Variants in SLC38A8 observed in about 807,000 individuals in gnomAD.
SLC38A8 encodes solute carrier family 38 member 8, also known as amino acid transporter SLC38A8.
Under a neutral mutation model 46.0 loss-of-function variants are expected in SLC38A8, and 65 were observed. The observed-to-expected ratio is 1.41, with a 90% confidence interval of 1.16 to 1.74. The LOEUF (loss-of-function observed/expected upper bound fraction) is 1.74. Ranked by LOEUF, SLC38A8 falls within the 40% of genes most tolerant of loss-of-function variation. The pLI, the probability that SLC38A8 is intolerant of heterozygous loss-of-function variation, is 0.00. For missense variants in SLC38A8, 998 were observed against 567.9 expected, an observed-to-expected ratio of 1.76 and a Z score of -7.70; for synonymous variants, 447 against 243.7, an observed-to-expected ratio of 1.83 and a Z score of -7.77.
chr16:84,014,243 A>G (rs2084996080), intron 9 of SLC38A8, among the ~76,000 whole-genome samples: 2 of 150,204 alleles, frequency 1.3e-5, no homozygotes, highest in Non-Finnish European at 3.0e-5. Context: ...CTCCACCCTA[A>G]GCCCGAGGGA....
chr16:84,024,703 C>T (rs574597538), intron 6 of SLC38A8, among the ~76,000 whole-genome samples: 1 of 152,190 alleles, frequency 6.6e-6, no homozygotes, highest in East Asian at 2.0e-4. Flanking sequence ...GTCGCTCAAG[C>T]CTGGGAGGCA....
intron 9 of SLC38A8, among the ~76,000 whole-genome samples, chr16:84,015,892 T>C (rs1448629071): frequency 2.0e-5 from 3 of 152,188 alleles, no homozygotes; most frequent in Non-Finnish European, 4.4e-5. Context: ...TTTAGTAGGC[T>C]GGTCTCGACC....
chr16:84,039,787 G>T (rs1006358598), intron 2 of SLC38A8: 2 of 146,822 alleles, frequency 1.4e-5, no homozygotes, highest in African/African-American at 4.9e-5. Context: ...AAGGTGTGGG[G>T]GGCAAGGAAG....
chr16:84,012,895 C>G (rs555478976), intron 10 of SLC38A8, 106 bp downstream of exon 10: 14 of 1,278,322 alleles, frequency 1.1e-5, no homozygotes, highest in African/African-American at 7.4e-5. Context: ...GGTTTCTCAC[C>G]TGCAGGATGC....
chr16:84,038,317 A>C (rs1376107022), intron 2 of SLC38A8, among the ~76,000 whole-genome samples: 2 of 152,106 alleles, frequency 1.3e-5, no homozygotes, highest in East Asian at 3.9e-4. Flanking sequence ...TCTCAAAAAA[A>C]AAAAAATTCA....
chr16:84,012,082 G>A (rs1026995838), intron 10 of SLC38A8, among the ~76,000 whole-genome samples: 2 of 152,106 alleles, frequency 1.3e-5, no homozygotes, highest in Admixed American at 6.6e-5. Context: ...CAGAACTGGG[G>A]AAAAAATTCA....
At chr16:84,013,143 G>A (rs1472618890) in intron 9 of SLC38A8, 91 bp from the exon 10 acceptor site, 4 of 1,459,410 alleles carry the variant, frequency 2.7e-6, no homozygotes, top group Non-Finnish European at 3.8e-6. Flanking sequence ...GACCCAGGAG[G>A]CCAGCAAGGC....
intron 7 of SLC38A8, among the ~76,000 whole-genome samples, chr16:84,020,367 A>G (rs1483550398): frequency 6.6e-6 from 1 of 152,056 alleles, no homozygotes; most frequent in Non-Finnish European, 1.5e-5. Context: ...GCTGGCCTCG[A>G]ACTCCTGGCC....
intron 5 of SLC38A8, 86 bp from the exon 6 acceptor site, chr16:84,029,637 C>T (rs1212623121): frequency 2.2e-6 from 3 of 1,342,876 alleles, no homozygotes; most frequent in Non-Finnish European, 3.2e-6. Context: ...TTAAAGGATG[C>T]TGGGAAAATG....
rs760703921 is a variant in SLC38A8, at chr16:84,042,058, T to G, written c.100A>C (p.Met34Leu). ...AGGCCAGCTCCCAGCGCGGACTTCA[T>G]GAGGATGAAGACAGCGCCCATCGAG... ...LSSMGAVFIL[M>L]KSALGAGLLN... is the part of the protein sequence containing the mutation. Residue 34 changes from methionine (M) to leucine (L), a missense_variant, in exon 2 of 11, where the codon ATG becomes CTG. Physicochemically the swap from Met to Leu is conservative, Grantham distance 15. Coordinates refer to ENST00000299709, the MANE Select transcript of SLC38A8 (RefSeq NM_001080442.3). 1.2e-6 allele frequency: 2 copies of G among 1,613,906 alleles called. No homozygotes were observed. Among genetic ancestry groups the G allele is most frequent in the Admixed American group, 1.7e-5 (1 of 60,002 alleles).
At chr16:84,012,020 C>T (rs1043529605) in intron 10 of SLC38A8, among the ~76,000 whole-genome samples, 3 of 152,278 alleles carry the variant, frequency 2.0e-5, no homozygotes, top group East Asian at 1.9e-4. Context: ...GAAGCTGAGG[C>T]GCCTTCAGAG....
chr16:84,016,829 G>C, intron 8 of SLC38A8, 102 bp from the exon 9 acceptor site: 2 of 1,283,592 alleles, frequency 1.6e-6, no homozygotes, highest in Non-Finnish European at 2.1e-6. Context: ...ACACCTGTCA[G>C]TGCTCCTGTT....
intron 4 of SLC38A8, 43 bp from the exon 5 acceptor site, chr16:84,032,011 G>A: frequency 6.5e-7 from 1 of 1,545,942 alleles, no homozygotes; most frequent in Non-Finnish European, 8.9e-7. Context: ...TGGGTGACAT[G>A]TGCGGTTGAT....
At chr16:84,035,924 C>G (rs759784605) in intron 3 of SLC38A8, among the ~76,000 whole-genome samples, 18 of 152,200 alleles carry the variant, frequency 1.2e-4, no homozygotes, top group Non-Finnish European at 1.5e-4. Flanking sequence ...CTGAACACAG[C>G]TGTTGACTGC....
At chr16:84,016,938 G>A (rs971504099) in intron 8 of SLC38A8, among the ~76,000 whole-genome samples, 8 of 152,190 alleles carry the variant, frequency 5.3e-5, no homozygotes, top group Non-Finnish European at 8.8e-5. Flanking sequence ...CACGTGGTTC[G>A]CATTCCAGTC....
At chr16:84,036,680 C>G (rs113864490) in intron 3 of SLC38A8, 22 bp downstream of exon 3, 2 of 1,613,358 alleles carry the variant, frequency 1.2e-6, no homozygotes, top group Admixed American at 1.7e-5. Flanking sequence ...TGGGCCACCC[C>G]GAGTCCCATG....
intron 6 of SLC38A8, among the ~76,000 whole-genome samples, chr16:84,026,567 G>C (rs1342136577): frequency 1.3e-5 from 2 of 152,200 alleles, no homozygotes; most frequent in African/African-American, 4.8e-5. Flanking sequence ...GGCCTGCTGA[G>C]GGCAGGCAGT....
chr16:84,028,305 G>C (rs576371938), intron 6 of SLC38A8, among the ~76,000 whole-genome samples: 1 of 152,262 alleles, frequency 6.6e-6, no homozygotes, highest in South Asian at 2.1e-4. Context: ...GCGTGGCCAG[G>C]CACGGTGGCT....
chr16:84,018,973 T>C (rs2085064754), intron 7 of SLC38A8, among the ~76,000 whole-genome samples: 1 of 152,158 alleles, frequency 6.6e-6, no homozygotes, highest in African/African-American at 2.4e-5. Context: ...GACTATTTTC[T>C]CACCCTGGTA....
Sources: gnomAD v4.1 joint callset for allele counts (sites outside exome capture counted in the v4.1 genomes callset) on GRCh38, gnomAD v4.1.1 for gene constraint, MANE v1.5 for transcripts, NCBI Gene and HGNC (gene_info 2026-07-23, HGNC 2026-07-21) for gene names.